LRRC7: variants seen among roughly 807,000 people sequenced by gnomAD.
LRRC7 encodes leucine rich repeat containing 7.
In LRRC7, 23 loss-of-function variants were observed where a neutral mutation model predicts 175.7. The ratio of observed to expected loss-of-function variants is 0.13; its 90% CI spans 0.09 to 0.19. The LOEUF (loss-of-function observed/expected upper bound fraction) is 0.19, where lower values mean the gene tolerates loss of function less well. LRRC7 is among the 10% of genes least tolerant of loss of function. LRRC7 has a pLI of 1.00. For missense variants in LRRC7, 1,354 were observed against 1,904.7 expected, an observed-to-expected ratio of 0.71 and a Z score of 5.38; for synonymous variants, 685 against 680.9, an observed-to-expected ratio of 1.01 and a Z score of -0.09.
At chr1:69,672,024 T>G (rs1659156994) in intron 1 of LRRC7, among the ~76,000 whole-genome samples, 1 of 152,194 alleles carries the variant, frequency 6.6e-6, no homozygotes, top group Admixed American at 6.5e-5. Flanking sequence ...TTTTTTTTAT[T>G]ATACTTTAAG....
At chr1:69,971,745 A>T (rs1052591660) in intron 8 of LRRC7, among the ~76,000 whole-genome samples, 1 of 152,176 alleles carries the variant, frequency 6.6e-6, no homozygotes, top group Non-Finnish European at 1.5e-5. Flanking sequence ...TACCACCATC[A>T]TTCTTCACAG....
intron 5 of LRRC7, among the ~76,000 whole-genome samples, chr1:69,834,499 G>T (rs756392642): frequency 1.3e-5 from 2 of 152,088 alleles, no homozygotes; most frequent in African/African-American, 4.8e-5. Context: ...CGTGCATAAG[G>T]TTAGGCCAGC....
chr1:69,897,885 G>T (rs557634363), intron 7 of LRRC7, among the ~76,000 whole-genome samples: 7 of 152,342 alleles, frequency 4.6e-5, no homozygotes, highest in Admixed American at 1.3e-4. Flanking sequence ...GCAAATGGGA[G>T]TTGAAAGAGA....
chr1:69,688,289 A>C (rs1661425159), intron 2 of LRRC7, among the ~76,000 whole-genome samples: 2 of 152,102 alleles, frequency 1.3e-5, no homozygotes, highest in South Asian at 4.1e-4. Flanking sequence ...AATTGACTTC[A>C]CCTCAAGTCT....
intron 26 of LRRC7, among the ~76,000 whole-genome samples, chr1:70,118,643 A>G (rs1205048260): frequency 1.3e-5 from 2 of 152,166 alleles, no homozygotes; most frequent in African/African-American, 4.8e-5. Context: ...AAGGAATATT[A>G]TGTTATCAGG....
chr1:69,584,217 A>G (rs192594839), intron 1 of LRRC7, among the ~76,000 whole-genome samples: 41 of 152,164 alleles, frequency 2.7e-4, no homozygotes, highest in Admixed American at 2.7e-3. Flanking sequence ...ATTTCCTTAA[A>G]ATTTATTTCT....
chr1:69,874,486 A>G (rs1685864016), intron 7 of LRRC7: 1 of 152,152 alleles, frequency 6.6e-6, no homozygotes, highest in Non-Finnish European at 1.5e-5. Flanking sequence ...CAAATAATTT[A>G]CAATGATTGT....
chr1:69,760,083 C>A, intron 2 of LRRC7, 108 bp from the exon 3 acceptor site: 1 of 1,114,432 alleles, frequency 9.0e-7, no homozygotes, highest in Non-Finnish European at 1.3e-6. Context: ...TTAAAGTATT[C>A]TAGACTGTAT....
At chr1:69,926,957 T>G (rs902097875) in intron 7 of LRRC7, among the ~76,000 whole-genome samples, 1 of 152,222 alleles carries the variant, frequency 6.6e-6, no homozygotes, top group Non-Finnish European at 1.5e-5. Context: ...GGTTGTTCCT[T>G]TCCATGTTTA....
chr1:69,650,653 T>G (rs1655697499), intron 1 of LRRC7, among the ~76,000 whole-genome samples: 2 of 152,116 alleles, frequency 1.3e-5, no homozygotes. Flanking sequence ...GTGAAGTCTT[T>G]GTCTGTGTTT....
At chr1:69,888,206 C>A (rs751788060) in intron 7 of LRRC7, among the ~76,000 whole-genome samples, 139 of 152,158 alleles carry the variant, frequency 9.1e-4, no homozygotes, top group Middle Eastern at 3.4e-3. Context: ...GGCGGTCGCC[C>A]CTCCCCCAGC....
At chr1:69,979,741 C>T (rs1570893487) in intron 8 of LRRC7, among the ~76,000 whole-genome samples, 1 of 152,038 alleles carries the variant, frequency 6.6e-6, no homozygotes, top group East Asian at 1.9e-4. Flanking sequence ...GTCCATGGGT[C>T]TTCAGGTGGT....
intron 1 of LRRC7, among the ~76,000 whole-genome samples, chr1:69,665,374 A>G (rs905193759): frequency 9.2e-5 from 14 of 152,076 alleles, no homozygotes; most frequent in Admixed American, 2.6e-4. Flanking sequence ...GATTGCCTTA[A>G]ATTTGTAGAT....
intron 8 of LRRC7, among the ~76,000 whole-genome samples, chr1:69,958,657 G>A (rs1650737811): frequency 1.3e-5 from 2 of 151,996 alleles, no homozygotes; most frequent in Admixed American, 1.3e-4. Flanking sequence ...AGATGGACAG[G>A]AAGGAAACAC....
Position 69,581,269 on chromosome 1 carries a change from G to T in LRRC7, c.2+12628G>T, listed in dbSNP as rs377114467. 2.6e-5 allele frequency among the ~76,000 whole-genome samples: 4 copies of T among 152,200 alleles called. No homozygotes were observed. The East Asian group carries it at 7.7e-4, about 29-fold the overall frequency. On this transcript the variant is annotated intron_variant, in intron 1 of 26. Transcript: ENST00000651989. ...ACATAGCTTCTACTTAGATGAAGGTGAGAGTGGAAATAGGGATTCATGAAT... is the reference window on the plus strand; with the variant it reads ...ACATAGCTTCTACTTAGATGAAGGTTAGAGTGGAAATAGGGATTCATGAAT...
At chr1:69,892,157 A>C (rs1645854997) in intron 7 of LRRC7, among the ~76,000 whole-genome samples, 1 of 152,230 alleles carries the variant, frequency 6.6e-6, no homozygotes. Context: ...AAAGGGGAGC[A>C]GTTATATTTC....
At chr1:69,626,354 G>T (rs1570024947) in intron 1 of LRRC7, among the ~76,000 whole-genome samples, 1 of 134,984 alleles carries the variant, frequency 7.4e-6, no homozygotes, top group Admixed American at 8.0e-5. Flanking sequence ...TTACTGCCTT[G>T]TTAACTCTCT....
intron 7 of LRRC7, among the ~76,000 whole-genome samples, chr1:69,868,818 C>T (rs1275473521): frequency 6.6e-6 from 1 of 151,900 alleles, no homozygotes; most frequent in Non-Finnish European, 1.5e-5. Flanking sequence ...TCTGAAGGCG[C>T]TCTCCTTGGC....
intron 7 of LRRC7, among the ~76,000 whole-genome samples, chr1:69,884,828 G>C (rs1268279589): frequency 7.0e-6 from 1 of 143,244 alleles, no homozygotes; most frequent in Non-Finnish European, 1.5e-5. Flanking sequence ...AGCATGAAGG[G>C]TTTTTGAATT....
Sources: allele counts gnomAD v4.1 joint callset (sites outside exome capture counted in the v4.1 genomes callset), GRCh38; gene constraint gnomAD v4.1.1; transcripts MANE v1.5; gene names NCBI Gene and HGNC (gene_info 2026-07-23, HGNC 2026-07-21).